Variants in SLC24A2 observed in about 807,000 individuals in gnomAD.
SLC24A2 encodes the protein solute carrier family 24 member 2.
SLC24A2 carries 36 observed loss-of-function variants against 62.0 expected under a neutral mutation model. The ratio of observed to expected loss-of-function variants is 0.58; its 90% CI spans 0.44 to 0.77. The LOEUF is 0.77. Among genes scored for constraint, SLC24A2 ranks in the 30% least tolerant of loss-of-function variants. The pLI, the probability that SLC24A2 is intolerant of heterozygous loss-of-function variation, is 0.00. For missense variants in SLC24A2, 846 were observed against 817.9 expected, an observed-to-expected ratio of 1.03 and a Z score of -0.42; for synonymous variants, 358 against 294.0, an observed-to-expected ratio of 1.22 and a Z score of -2.23.
At chr9:19,903,352 T>C in the SLC24A2 span, among the ~76,000 whole-genome samples, 1 of 152,098 alleles carries the variant, frequency 6.6e-6, no homozygotes, top group East Asian at 1.9e-4. Flanking sequence ...TGAGCTCTGG[T>C]CCCTTTTCCT....
chr9:19,948,548 A>T, the SLC24A2 span, among the ~76,000 whole-genome samples: 23 of 152,324 alleles, frequency 1.5e-4, no homozygotes, highest in East Asian at 4.4e-3. Flanking sequence ...TGAAGAATAG[A>T]TTGACTGTTA....
chr9:19,619,707 C>A lies in SLC24A2; in HGVS notation c.970-15G>T, dbSNP rs779800847. 7 of 1,585,404 alleles carry A rather than the reference C, an allele frequency of 4.4e-6. No individual in the cohort carries two copies. The highest frequency in any genetic ancestry group is 6.1e-6 in the Non-Finnish European group (7 of 1,154,076). On this transcript the variant is annotated splice_polypyrimidine_tract_variant and intron_variant, in intron 3 of 10. Coordinates refer to ENST00000341998, the MANE Select transcript of SLC24A2 (RefSeq NM_020344.4). ...CGCGGCTTAGCCTGAGCAGAGAAAC[C>A]AAAGAGATGGTTAGTCTCAGGAATG...
intron 8 of SLC24A2, among the ~76,000 whole-genome samples, chr9:19,546,915 A>C (rs1264094324): frequency 2.0e-5 from 3 of 152,104 alleles, no homozygotes; most frequent in Non-Finnish European, 2.9e-5. Flanking sequence ...ACAGTCCCTC[A>C]CAGCTTCCCT....
chr9:20,040,848 A>G, the SLC24A2 span, among the ~76,000 whole-genome samples: 1 of 152,224 alleles, frequency 6.6e-6, no homozygotes, highest in Non-Finnish European at 1.5e-5. Context: ...AATCCTCACA[A>G]CAAGCCTAAG....
At chr9:19,625,117 C>T (rs1274909360) in intron 2 of SLC24A2, among the ~76,000 whole-genome samples, 2 of 152,056 alleles carry the variant, frequency 1.3e-5, no homozygotes, top group Non-Finnish European at 1.5e-5. Context: ...CAGAAGACAA[C>T]TTCTTCAAAA....
the SLC24A2 span, among the ~76,000 whole-genome samples, chr9:19,982,078 G>C: frequency 1.5e-4 from 23 of 152,246 alleles, no homozygotes; most frequent in East Asian, 1.4e-3. Context: ...TAATGCAAAG[G>C]TGTGTTACTC....
intron 2 of SLC24A2, among the ~76,000 whole-genome samples, chr9:19,657,390 T>G (rs1228285584): frequency 6.6e-6 from 1 of 152,146 alleles, no homozygotes; most frequent in African/African-American, 2.4e-5. Context: ...TATTTTTTAT[T>G]CATTTTACCT....
the SLC24A2 span, among the ~76,000 whole-genome samples, chr9:20,257,576 G>C: frequency 0.04 from 6,014 of 152,192 alleles, 318 homozygotes; most frequent in African/African-American, 0.12. Context: ...ATGTTTATAA[G>C]TACAGAAAGA....
chr9:20,030,420 T>C, the SLC24A2 span, among the ~76,000 whole-genome samples: 3 of 152,128 alleles, frequency 2.0e-5, no homozygotes, highest in Non-Finnish European at 2.9e-5. Context: ...TGTACAACCA[T>C]GCAGAAAGGC....
chr9:20,274,006 A>G, the SLC24A2 span, among the ~76,000 whole-genome samples: 1 of 152,168 alleles, frequency 6.6e-6, no homozygotes, highest in Non-Finnish European at 1.5e-5. Flanking sequence ...GAAAGATATG[A>G]CTTTTTCTCC....
chr9:20,174,508 G>GA, the SLC24A2 span, among the ~76,000 whole-genome samples: 190 of 147,680 alleles, frequency 1.3e-3, 2 homozygotes, highest in African/African-American at 3.7e-3. Flanking sequence ...AAATTAGCAA[G>GA]AAAAAAAAAA....
At chr9:20,298,929 G>C in the SLC24A2 span, among the ~76,000 whole-genome samples, 1 of 152,218 alleles carries the variant, frequency 6.6e-6, no homozygotes, top group African/African-American at 2.4e-5. Context: ...GTTCTTAATA[G>C]CTCATCTACA....
chr9:19,799,795 C>G, the SLC24A2 span, among the ~76,000 whole-genome samples: 1 of 152,226 alleles, frequency 6.6e-6, no homozygotes, highest in African/African-American at 2.4e-5. Flanking sequence ...ATACGCTCCC[C>G]TCTCTCCATC....
chr9:20,289,974 C>T, the SLC24A2 span, among the ~76,000 whole-genome samples: 7 of 152,106 alleles, frequency 4.6e-5, no homozygotes, highest in Non-Finnish European at 8.8e-5. Context: ...TCACACAGTG[C>T]TCATAAATCA....
the SLC24A2 span, among the ~76,000 whole-genome samples, chr9:20,182,162 G>A: frequency 1.6e-3 from 238 of 152,254 alleles, 1 homozygote; most frequent in African/African-American, 5.1e-3. Flanking sequence ...AAATAGGAAC[G>A]CTTTTACACT....
At chr9:20,306,757 C>T in the SLC24A2 span, among the ~76,000 whole-genome samples, 1 of 152,150 alleles carries the variant, frequency 6.6e-6, no homozygotes, top group Non-Finnish European at 1.5e-5. Context: ...AGTGCAGTGG[C>T]GTGATCTTGG....
chr9:20,019,161 G>C, the SLC24A2 span, among the ~76,000 whole-genome samples: 37 of 138,016 alleles, frequency 2.7e-4, no homozygotes, highest in African/African-American at 1.0e-3. Flanking sequence ...AAGAAAGAGA[G>C]AGAGACAGAA....
intron 9 of SLC24A2, among the ~76,000 whole-genome samples, chr9:19,521,912 C>T (rs911228657): frequency 6.8e-6 from 1 of 147,806 alleles, no homozygotes; most frequent in Admixed American, 6.8e-5. Context: ...CCTTTTAAGA[C>T]TGATGAGTTC....
chr9:19,920,968 A>G, the SLC24A2 span, among the ~76,000 whole-genome samples: 1 of 151,934 alleles, frequency 6.6e-6, no homozygotes, highest in Admixed American at 6.6e-5. Context: ...TAAAATAAAG[A>G]TAATCATATT....
Sources: gnomAD v4.1 joint callset for allele counts (sites outside exome capture counted in the v4.1 genomes callset) on GRCh38, gnomAD v4.1.1 for gene constraint, MANE v1.5 for transcripts, NCBI Gene and HGNC (gene_info 2026-07-23, HGNC 2026-07-21) for gene names.